The following IP6K1 variants were observed in gnomAD, a reference collection of about 807,000 sequenced individuals.
IP6K1 encodes inositol hexakisphosphate kinase 1.
Under a neutral mutation model 38.3 loss-of-function variants are expected in IP6K1, and 13 were observed. The observed-to-expected ratio is 0.34, with a 90% CI of 0.22 to 0.54. The LOEUF (loss-of-function observed/expected upper bound fraction) is 0.54. IP6K1 is among the 20% of genes least tolerant of loss of function. The probability of loss-of-function intolerance (pLI) is 0.92; values close to 1 mark genes in which losing one functional copy is unlikely to be tolerated. For missense variants in IP6K1, 397 were observed against 599.8 expected (o/e 0.66, Z 3.53); for synonymous variants, 212 against 229.9 (o/e 0.92, Z 0.70).
At chr3:49,769,067 AAAG>A (rs1169484192) in intron 1 of IP6K1, among the ~76,000 whole-genome samples, 1 of 152,206 alleles carries the variant, frequency 6.6e-6, no homozygotes, top group East Asian at 1.9e-4. Context: ...ACAAAACGTG[AAAG>A]AATTCTACAT....
At chr3:49,750,119 T>C (rs1249671867) in intron 1 of IP6K1, among the ~76,000 whole-genome samples, 1 of 152,196 alleles carries the variant, frequency 6.6e-6, no homozygotes, top group African/African-American at 2.4e-5. Context: ...TTCCACCACG[T>C]AGTAAATACT....
intron 2 of IP6K1, among the ~76,000 whole-genome samples, chr3:49,746,261 ACAG>A (rs2080720079): frequency 6.6e-6 from 1 of 151,872 alleles, no homozygotes; most frequent in Non-Finnish European, 1.5e-5. Flanking sequence ...GACAATGTTC[ACAG>A]CAGCATTATT....
At position 49,728,247 on chromosome 3, in the gene IP6K1, G is replaced by A. The variant is rs1262630437; in HGVS notation, c.648C>T (p.His216=). 1.2e-6 allele frequency: 2 copies of A among 1,614,118 alleles called. No individual in the cohort carries two copies. Among genetic ancestry groups the A allele is most frequent in the South Asian group, 2.2e-5 (2 of 91,086 alleles). ...KFLLLENVVH[H]FKYPCVLDLK... ...GGTCCAACACGCAGGGGTACTTGAAGTGGTGCACCACGTTCTCAAGCAGGA... is the reference window on the plus strand; with the variant it reads ...GGTCCAACACGCAGGGGTACTTGAAATGGTGCACCACGTTCTCAAGCAGGA... The change falls in exon 5 of 6, where the codon CAC becomes CAT. Residue 216 remains histidine (H), a synonymous_variant. Transcript: ENST00000321599.
intron 1 of IP6K1, among the ~76,000 whole-genome samples, chr3:49,761,486 C>T (rs950155280): frequency 6.6e-6 from 1 of 151,544 alleles, no homozygotes; most frequent in African/African-American, 2.4e-5. Context: ...CAATGGCAGG[C>T]ACCTGTAGTC....
rs2080502255 is a variant in IP6K1, at chr3:49,726,421, G to A, written c.*701C>T. ...GGGGTGGGAGGGAGTGGCCTTCTTA[G>A]GCAAGGGAACTTGGTGAGAGAGGCT... On this transcript the variant is annotated 3_prime_UTR_variant, in exon 6 of 6. Transcript: ENST00000321599. 6.5e-6 allele frequency: 1 copy of A among 152,682 alleles called. No homozygotes were observed. The highest frequency in any genetic ancestry group is 2.4e-5 in the African/African-American group (1 of 41,470). 9.5% of individuals were successfully genotyped at this position (152,682 alleles called of 1,614,324 possible). A position where few individuals can be genotyped will look rare whatever the true frequency, so the allele number is the denominator to read the frequency against.
intron 1 of IP6K1, among the ~76,000 whole-genome samples, chr3:49,777,871 C>T (rs1259004058): frequency 2.6e-5 from 4 of 151,834 alleles, no homozygotes; most frequent in East Asian, 1.9e-4. Context: ...GCTGAGATCG[C>T]GCCACGCACT....
intron 1 of IP6K1, among the ~76,000 whole-genome samples, chr3:49,779,686 A>ATT (rs2081048768): frequency 6.6e-6 from 1 of 151,770 alleles, no homozygotes; most frequent in Non-Finnish European, 1.5e-5. Flanking sequence ...ATACACCCAA[A>ATT]TTTTTCTTTT....
chr3:49,732,758 T>C lies in IP6K1; in HGVS notation c.616+33A>G, dbSNP rs367733381. The stretch of plus-strand genomic sequence containing the variant: ...CCCAACACACGACCTATGGACCCAG[T>C]AGACACTCCTGAAGGAGGGGCAACG... On this transcript the variant is annotated intron_variant, in intron 4 of 5. Coordinates refer to ENST00000321599, the MANE Select transcript of IP6K1 (RefSeq NM_153273.4). 18 of 1,584,604 alleles carry C rather than the reference T, an allele frequency of 1.1e-5. No individual in the cohort carries two copies. The African/African-American group carries it at 1.5e-4, about 13-fold the overall frequency.
intron 3 of IP6K1, among the ~76,000 whole-genome samples, 161 bp from the exon 4 acceptor site, chr3:49,733,133 G>A (rs1252267359): frequency 6.6e-6 from 1 of 152,152 alleles, no homozygotes; most frequent in Admixed American, 6.5e-5. Context: ...TAAATGTTAT[G>A]AGTAGTGTTC....
At chr3:49,773,212 G>GTCC (rs1304675857) in intron 1 of IP6K1, among the ~76,000 whole-genome samples, 3 of 152,152 alleles carry the variant, frequency 2.0e-5, no homozygotes, top group African/African-American at 7.2e-5. Context: ...GGTCCAAGTG[G>GTCC]TCCTGCCTGG....
chr3:49,780,420 T>C (rs1245474700), intron 1 of IP6K1, among the ~76,000 whole-genome samples: 1 of 151,020 alleles, frequency 6.6e-6, no homozygotes, highest in Non-Finnish European at 1.5e-5. Context: ...ATTTAAAAAT[T>C]AGTGCAAAAG....
At chr3:49,746,178 A>G (rs976421120) in intron 2 of IP6K1, among the ~76,000 whole-genome samples, 2 of 152,092 alleles carry the variant, frequency 1.3e-5, no homozygotes, top group Non-Finnish European at 2.9e-5. Flanking sequence ...GAACTTCCAC[A>G]TGATCTGACA....
intron 1 of IP6K1, among the ~76,000 whole-genome samples, chr3:49,785,161 AG>A (rs2081100434): frequency 6.6e-6 from 1 of 152,190 alleles, no homozygotes; most frequent in African/African-American, 2.4e-5. Flanking sequence ...CCAAATTCAC[AG>A]GAAAGGGGCT....
intron 2 of IP6K1, among the ~76,000 whole-genome samples, chr3:49,740,847 TTC>T (rs1020461729): frequency 2.0e-5 from 3 of 151,802 alleles, no homozygotes; most frequent in African/African-American, 7.3e-5. Context: ...TCCCTGTTTT[TTC>T]TTTTTTCTTT....
At position 49,727,110 on chromosome 3, in the gene IP6K1, C is replaced by T; in HGVS notation, c.*12G>A. 23 of 1,575,248 alleles carry T rather than the reference C, an allele frequency of 1.5e-5. No individual in the cohort carries two copies. Among genetic ancestry groups the T allele is most frequent in the Non-Finnish European group, 2.0e-5 (23 of 1,157,582 alleles). Reference sequence around the variant, plus strand: ...GTGGAGAGGAAGGGGTTCTGGGGGCCCAGAACAGGGCCTACTGGTTCTCGT... The same window carrying T: ...GTGGAGAGGAAGGGGTTCTGGGGGCTCAGAACAGGGCCTACTGGTTCTCGT... On this transcript the variant is annotated 3_prime_UTR_variant, in exon 6 of 6. Coordinates refer to ENST00000321599, the MANE Select transcript of IP6K1 (RefSeq NM_153273.4). This position sits in a 1 kb window ranked among gnomAD's most constrained non-coding sequence, Gnocchi z 5.9.
chr3:49,754,671 G>A (rs1000237234), intron 1 of IP6K1, among the ~76,000 whole-genome samples: 6 of 152,010 alleles, frequency 3.9e-5, no homozygotes, highest in African/African-American at 1.4e-4. Flanking sequence ...AAAAACCTTG[G>A]CAGGGAAAAA....
chr3:49,757,470 T>C (rs1202462654), intron 1 of IP6K1, among the ~76,000 whole-genome samples: 1 of 152,174 alleles, frequency 6.6e-6, no homozygotes, highest in Non-Finnish European at 1.5e-5. Context: ...ACACCTGTAA[T>C]CTTAGCACTT....
chr3:49,768,539 G>A (rs1434939571), intron 1 of IP6K1, among the ~76,000 whole-genome samples: 1 of 152,180 alleles, frequency 6.6e-6, no homozygotes, highest in African/African-American at 2.4e-5. Context: ...GGAGGCTGAG[G>A]CAGGTGGATC....
intron 1 of IP6K1, among the ~76,000 whole-genome samples, chr3:49,757,595 C>T (rs1484073365): frequency 2.0e-5 from 3 of 152,070 alleles, no homozygotes; most frequent in Admixed American, 6.6e-5. Context: ...TGGCTCATGC[C>T]TATAGTCCCA....
Sources: gnomAD v4.1 joint callset for allele counts (sites outside exome capture counted in the v4.1 genomes callset) on GRCh38, gnomAD v4.1.1 for gene constraint, Gnocchi (gnomAD v3.1) non-coding constraint, MANE v1.5 for transcripts, NCBI Gene and HGNC (gene_info 2026-07-23, HGNC 2026-07-21) for gene names.